ZNF487: variants seen among roughly 807,000 people sequenced by gnomAD.
ZNF487 encodes KRAB domain only 1.
In ZNF487, 4 loss-of-function variants were observed where a neutral mutation model predicts 3.0. The observed-to-expected ratio is 1.35, with a 90% confidence interval of 0.66 to 3.08. The LOEUF (loss-of-function observed/expected upper bound fraction) is 3.08. Among genes scored for constraint, ZNF487 ranks in the 30% most tolerant of loss-of-function variants. ZNF487 has a pLI of 0.01. For synonymous variants in ZNF487, 55 were observed against 34.6 expected (o/e 1.59, Z -2.06); for missense variants, 146 against 98.7 (o/e 1.48, Z -2.03).
At chr10:43,490,567 T>G in the ZNF487 span, among the ~76,000 whole-genome samples, 1 of 126,102 alleles carries the variant, frequency 7.9e-6, no homozygotes. Context: ...TGGAGTGCAA[T>G]GGCACAATCT....
At chr10:43,464,898 C>T (rs1317501062) in intron 1 of ZNF487, among the ~76,000 whole-genome samples, 3 of 152,256 alleles carry the variant, frequency 2.0e-5, no homozygotes, top group South Asian at 2.1e-4. Flanking sequence ...ACCTCCCAGA[C>T]GGGGTGGTGG....
intron 1 of ZNF487, among the ~76,000 whole-genome samples, chr10:43,470,367 C>G (rs1351255848): frequency 1.3e-5 from 2 of 151,836 alleles, no homozygotes; most frequent in African/African-American, 4.8e-5. Context: ...GTGCATGCCA[C>G]TATGCCCAGC....
At chr10:43,521,687 T>C in the ZNF487 span, among the ~76,000 whole-genome samples, 3 of 152,174 alleles carry the variant, frequency 2.0e-5, no homozygotes, top group Non-Finnish European at 4.4e-5. Flanking sequence ...GATGAATTTG[T>C]TGTCACAAAA....
the ZNF487 span, among the ~76,000 whole-genome samples, chr10:43,521,526 T>G: frequency 6.6e-6 from 1 of 152,152 alleles, no homozygotes; most frequent in African/African-American, 2.4e-5. Flanking sequence ...GTATGAGAAC[T>G]GAAACAAGAA....
chr10:43,505,263 CTTAAG>C, the ZNF487 span, among the ~76,000 whole-genome samples: 1 of 145,030 alleles, frequency 6.9e-6, no homozygotes, highest in Non-Finnish European at 1.5e-5. Context: ...CTCTGTCCCC[CTTAAG>C]TTATTATGTC....
At chr10:43,496,114 G>C in the ZNF487 span, 6 of 532,090 alleles carry the variant, frequency 1.1e-5, no homozygotes, top group African/African-American at 1.2e-4. Flanking sequence ...ATGTAATGCT[G>C]GAGAACTACA....
At chr10:43,472,196 C>T (rs925700009) in intron 1 of ZNF487, among the ~76,000 whole-genome samples, 1 of 152,086 alleles carries the variant, frequency 6.6e-6, no homozygotes, top group African/African-American at 2.4e-5. Flanking sequence ...TTCCTTCTTA[C>T]ACTTTGGATG....
intron 1 of ZNF487, among the ~76,000 whole-genome samples, chr10:43,459,788 T>C (rs964553661): frequency 3.4e-5 from 5 of 146,782 alleles, no homozygotes; most frequent in Admixed American, 6.9e-5. Flanking sequence ...TTATTATTAT[T>C]ATTATTATTA....
chr10:43,452,162 AGAGAGTCTGACTC>A (rs1840033363), intron 1 of ZNF487: 3 of 152,188 alleles, frequency 2.0e-5, no homozygotes, highest in African/African-American at 7.2e-5. Flanking sequence ...TTTATGAACT[AGAGAGTCTGACTC>A]CATATTTTAT....
the ZNF487 span, among the ~76,000 whole-genome samples, chr10:43,518,695 T>A: frequency 2.6e-5 from 4 of 152,312 alleles, no homozygotes; most frequent in African/African-American, 9.6e-5. Flanking sequence ...ATCTATTAGA[T>A]GGATGGATGG....
intron 1 of ZNF487, among the ~76,000 whole-genome samples, chr10:43,467,454 C>T (rs1031922510): frequency 1.3e-5 from 2 of 152,006 alleles, no homozygotes; most frequent in Non-Finnish European, 2.9e-5. Context: ...CTGCCTGCCT[C>T]GGCCTTCCAA....
At chr10:43,486,383 T>C (rs1226199750), downstream of ZNF487, among the ~76,000 whole-genome samples, 1 of 152,016 alleles carries the variant, frequency 6.6e-6, no homozygotes, top group Non-Finnish European at 1.5e-5. Flanking sequence ...AAAATTAGCC[T>C]GGCTTGGTGG....
chr10:43,481,353 A>AC, intron 3 of ZNF487, 76 bp from the exon 4 acceptor site: 1 of 638,138 alleles, frequency 1.6e-6, no homozygotes, highest in Non-Finnish European at 2.8e-6. Flanking sequence ...AGAAAAAAAA[A>AC]GCATGTGAAT....
At chr10:43,498,589 A>G in the ZNF487 span, among the ~76,000 whole-genome samples, 3 of 151,636 alleles carry the variant, frequency 2.0e-5, no homozygotes, top group East Asian at 4.0e-4. Flanking sequence ...ATAGAGCTAT[A>G]ATTTATTGAG....
At chr10:43,455,561 C>G (rs1244777647) in intron 1 of ZNF487, among the ~76,000 whole-genome samples, 1 of 152,254 alleles carries the variant, frequency 6.6e-6, no homozygotes, top group Non-Finnish European at 1.5e-5. Context: ...GACGACGCAG[C>G]TCAGGGCGGG....
At chr10:43,463,257 G>A (rs777160810) in intron 1 of ZNF487, among the ~76,000 whole-genome samples, 1 of 151,222 alleles carries the variant, frequency 6.6e-6, no homozygotes, top group Non-Finnish European at 1.5e-5. Flanking sequence ...TTTCTTTTTG[G>A]GCCAGGCGGA....
intron 3 of ZNF487, among the ~76,000 whole-genome samples, chr10:43,478,933 G>C (rs975361273): frequency 6.7e-6 from 1 of 148,334 alleles, no homozygotes; most frequent in Non-Finnish European, 1.5e-5. Flanking sequence ...ATGAGATGGA[G>C]TCTCGCTTTG....
intron 1 of ZNF487, chr10:43,452,836 C>T (rs1310774706): frequency 1.3e-5 from 2 of 152,032 alleles, no homozygotes; most frequent in African/African-American, 4.8e-5. Flanking sequence ...CAGATAAATA[C>T]AGCAGACATT....
intron 1 of ZNF487, among the ~76,000 whole-genome samples, chr10:43,443,057 C>G: frequency 8.5e-6 from 1 of 118,192 alleles, no homozygotes. Context: ...CTTACTCGTT[C>G]TAGCTTTTTT....
Sources: allele counts gnomAD v4.1 joint callset (sites outside exome capture counted in the v4.1 genomes callset), GRCh38; gene constraint gnomAD v4.1.1; transcripts MANE v1.5; gene names NCBI Gene and HGNC (gene_info 2026-07-23, HGNC 2026-07-21).